Variants in PXYLP1 observed in about 807,000 individuals in gnomAD.
The protein encoded by PXYLP1 is acid phosphatase-like 2.
PXYLP1 carries 17 observed loss-of-function variants against 37.9 expected under a neutral mutation model. The ratio of observed to expected loss-of-function variants is 0.45; its 90% CI spans 0.31 to 0.67. PXYLP1 has a LOEUF of 0.67. Ranked by LOEUF, PXYLP1 falls within the 30% of genes least tolerant of loss-of-function variation. The probability of loss-of-function intolerance (pLI) is 0.07; values close to 1 mark genes in which losing one functional copy is unlikely to be tolerated. For missense variants in PXYLP1, 511 were observed against 612.0 expected (o/e 0.84, Z 1.74); for synonymous variants, 221 against 232.2 (o/e 0.95, Z 0.44).
chr3:141,244,296 C>T (rs914690832), intron 1 of PXYLP1, among the ~76,000 whole-genome samples: 1 of 152,162 alleles, frequency 6.6e-6, no homozygotes, highest in Non-Finnish European at 1.5e-5. Context: ...TCAGCCCAGC[C>T]TGTACATTCT....
intron 2 of PXYLP1, chr3:141,273,825 T>C (rs1162461183): frequency 1.0e-6 from 1 of 985,204 alleles, no homozygotes; most frequent in Non-Finnish European, 1.2e-6. Flanking sequence ...AGAAATTGCA[T>C]GCCCGTTGGT....
At chr3:141,242,759 C>T (rs898929353) in intron 1 of PXYLP1, among the ~76,000 whole-genome samples, 5 of 152,128 alleles carry the variant, frequency 3.3e-5, no homozygotes, top group African/African-American at 4.8e-5. Flanking sequence ...ATAATGAGAA[C>T]GAAATCATGA....
chr3:141,264,823 G>A (rs903715570), intron 2 of PXYLP1, among the ~76,000 whole-genome samples: 4 of 152,182 alleles, frequency 2.6e-5, no homozygotes, highest in Non-Finnish European at 5.9e-5. Flanking sequence ...ATGATAGTTC[G>A]TATTTCATAG....
In PXYLP1 at chr3:141,294,724, A is replaced by C. The variant is rs896977648; in HGVS notation, c.*1519A>C. The C allele has an allele frequency of 6.6e-6, 1 of 152,178 alleles. No individual in the cohort carries two copies. Among genetic ancestry groups the C allele is most frequent in the Non-Finnish European group, 1.5e-5 (1 of 68,022 alleles). 9.4% of individuals were successfully genotyped at this position (152,178 alleles called of 1,614,324 possible). A position where few individuals can be genotyped will look rare whatever the true frequency, so the allele number is the denominator to read the frequency against. The stretch of plus-strand genomic sequence containing the variant: ...TATTTTATTTTTCCCCCTTCATTCA[A>C]ATGTCATGCAGAGAACCAGTATTTT... On this transcript the variant is annotated 3_prime_UTR_variant, in exon 6 of 6. Transcript: ENST00000286353.
At chr3:141,290,547 G>C (rs181777806) in intron 5 of PXYLP1, among the ~76,000 whole-genome samples, 2 of 152,316 alleles carry the variant, frequency 1.3e-5, no homozygotes, top group Non-Finnish European at 2.9e-5. Context: ...GGTAGTGTTG[G>C]AGCTTGGAGC....
At chr3:141,237,790 G>T (rs1018878022) in intron 1 of PXYLP1, among the ~76,000 whole-genome samples, 21 of 152,136 alleles carry the variant, frequency 1.4e-4, no homozygotes, top group Non-Finnish European at 2.6e-4. Context: ...GGTGCAGATC[G>T]ATTTCCAGGC....
intron 4 of PXYLP1, among the ~76,000 whole-genome samples, chr3:141,282,061 G>A (rs1478372492): frequency 2.0e-5 from 3 of 152,098 alleles, no homozygotes; most frequent in Non-Finnish European, 2.9e-5. Flanking sequence ...TTAGGGTAGT[G>A]ATCCAGAGGA....
intron 1 of PXYLP1, among the ~76,000 whole-genome samples, chr3:141,240,881 CCT>C (rs531961332): frequency 2.2e-3 from 334 of 152,294 alleles, no homozygotes; most frequent in African/African-American, 7.4e-3. Context: ...TCATTATCCC[CCT>C]GTCTTGACAC....
Position 141,292,915 on chromosome 3 carries a change from G to C in PXYLP1, c.1153G>C (p.Val385Leu), listed in dbSNP as rs1340524754. The C allele has an allele frequency of 2.5e-6, 4 of 1,614,194 alleles. No individual in the cohort carries two copies. Among genetic ancestry groups the C allele is most frequent in the Non-Finnish European group, 3.4e-6 (4 of 1,180,046 alleles). The stretch of plus-strand genomic sequence containing the variant: ...TGCTCATGATGTCACTCTGTCACCA[G>C]TTCTCAGTGCCTTGGGCCTTTCAGA... ...YSAHDVTLSPVLSALGLSEAR... is the reference protein window; with the variant it reads ...YSAHDVTLSPLLSALGLSEAR... The change falls in exon 6 of 6, where the codon GTT (valine) becomes CTT (leucine). Residue 385 changes from valine to leucine, a missense_variant. Coordinates refer to ENST00000286353, the MANE Select transcript of PXYLP1 (RefSeq NM_001037172.3). This position sits in a 1 kb window ranked among gnomAD's most constrained non-coding sequence, Gnocchi z 4.3.
At chr3:141,255,522 G>T (rs74520724) in intron 1 of PXYLP1, among the ~76,000 whole-genome samples, 1,657 of 152,358 alleles carry the variant, frequency 0.011, 21 homozygotes, top group Middle Eastern at 0.014. Flanking sequence ...ACCTCACCCT[G>T]CCGGTGAAGC....
At chr3:141,233,436 G>C (rs546314412) in intron 1 of PXYLP1, among the ~76,000 whole-genome samples, 2 of 130,954 alleles carry the variant, frequency 1.5e-5, no homozygotes, top group Non-Finnish European at 3.1e-5. Context: ...TTGCACTCCA[G>C]CTTGGGCAAT....
intron 2 of PXYLP1, among the ~76,000 whole-genome samples, chr3:141,269,569 T>G (rs1190994816): frequency 6.6e-6 from 1 of 152,212 alleles, no homozygotes; most frequent in Non-Finnish European, 1.5e-5. Context: ...AGCCTGAACC[T>G]GTGGACTTCT....
At chr3:141,274,837 G>C (rs1941753618) in intron 2 of PXYLP1, among the ~76,000 whole-genome samples, 3 of 152,176 alleles carry the variant, frequency 2.0e-5, no homozygotes, top group African/African-American at 4.8e-5. Context: ...GCTTCCTGGA[G>C]GAGGTGACCC....
At position 141,260,139 on chromosome 3, in the gene PXYLP1, G is replaced by T. The variant is rs186773263; in HGVS notation, c.-37G>T. On this transcript the variant is annotated 5_prime_UTR_variant, in exon 2 of 6. The change abolishes the stop of an existing upstream ORF in the 5' untranslated region. Coordinates refer to ENST00000286353, the MANE Select transcript of PXYLP1 (RefSeq NM_001037172.3). ...TATTCACAGGACATGTTCCCGATTT[G>T]AGGTGAAACCATGAAGAGAAAATAG... 6.2e-7 allele frequency: 1 copy of T among 1,611,860 alleles called. No individual in the cohort carries two copies. Among genetic ancestry groups the T allele is most frequent in the East Asian group, 2.2e-5 (1 of 44,874 alleles).
intron 1 of PXYLP1, among the ~76,000 whole-genome samples, chr3:141,238,716 G>C (rs1002600670): frequency 6.6e-6 from 1 of 151,028 alleles, no homozygotes; most frequent in African/African-American, 2.4e-5. Context: ...CCTACTGTTA[G>C]CCAGAAGCCT....
At chr3:141,252,057 CTG>C (rs1941152026) in intron 1 of PXYLP1, among the ~76,000 whole-genome samples, 1 of 152,292 alleles carries the variant, frequency 6.6e-6, no homozygotes, top group South Asian at 2.1e-4. Flanking sequence ...GATGAGGAAA[CTG>C]TGGCTCATTA....
intron 4 of PXYLP1, among the ~76,000 whole-genome samples, chr3:141,281,233 A>G (rs1941946845): frequency 6.6e-6 from 1 of 152,214 alleles, no homozygotes; most frequent in Non-Finnish European, 1.5e-5. Flanking sequence ...AGGCACCTAC[A>G]TGAAGTGAAG....
intron 1 of PXYLP1, among the ~76,000 whole-genome samples, chr3:141,259,405 T>C (rs1364963231): frequency 2.6e-5 from 4 of 151,254 alleles, no homozygotes; most frequent in Admixed American, 6.6e-5. Flanking sequence ...TTTTTTTTTT[T>C]CCCACAGAAG....
chr3:141,268,202 A>T (rs62281967), intron 2 of PXYLP1, among the ~76,000 whole-genome samples: 497 of 37,408 alleles, frequency 0.013, 1 homozygote, highest in African/African-American at 0.034. Context: ...AGAGAGAGAG[A>T]GAGAGTGTGT....
Sources: allele counts gnomAD v4.1 joint callset (sites outside exome capture counted in the v4.1 genomes callset), GRCh38; gene constraint gnomAD v4.1.1; non-coding constraint Gnocchi (gnomAD v3.1); transcripts MANE v1.5; gene names NCBI Gene and HGNC (gene_info 2026-07-23, HGNC 2026-07-21).